Variants in RYR2 observed in about 807,000 individuals in gnomAD.
The protein encoded by RYR2 is ryanodine receptor 2.
In RYR2, 227 loss-of-function variants were observed where a neutral mutation model predicts 601.1. That is an observed-to-expected ratio of 0.38 (90% confidence interval 0.34 to 0.42). The LOEUF (loss-of-function observed/expected upper bound fraction) is 0.42, where lower values mean the gene tolerates loss of function less well. RYR2 is among the 10% of genes least tolerant of loss of function. The pLI is 1.00. For synonymous variants in RYR2, 2,223 were observed against 2,175.1 expected (o/e 1.02, Z -0.61); for missense variants, 4,646 against 6,156.5 (o/e 0.75, Z 8.21).
At position 237,816,457 on chromosome 1, in the gene RYR2, G is replaced by A. The variant is rs149670397; in HGVS notation, c.14434-2579G>A. ...TCCCAGCAGTTTGGGAGGCCGAGGC[G>A]GGCGGATCACCTGAGGTCAGGAGTT... On this transcript the variant is annotated intron_variant, in intron 100 of 104. Coordinates refer to ENST00000366574, the MANE Select transcript of RYR2 (RefSeq NM_001035.3). Among the ~76,000 whole-genome samples the A allele has an allele frequency of 3.0e-3, 461 of 152,186 alleles. 5 individuals carry two copies. Among genetic ancestry groups the A allele is most frequent in the African/African-American group, 0.01 (431 of 41,540 alleles).
At chr1:237,271,256 G>A (rs926912161) in intron 2 of RYR2, among the ~76,000 whole-genome samples, 1 of 152,090 alleles carries the variant, frequency 6.6e-6, no homozygotes, top group Non-Finnish European at 1.5e-5. Context: ...AATATCTTAA[G>A]CTACAGAATT....
chr1:237,547,339 A>G (rs1321165597), intron 25 of RYR2, among the ~76,000 whole-genome samples: 1 of 152,066 alleles, frequency 6.6e-6, no homozygotes, highest in Non-Finnish European at 1.5e-5. Flanking sequence ...GCATTTTCTC[A>G]TGTTTTAATA....
rs939015727 is a variant in RYR2 at position 237,135,518 on chromosome 1, C to T, written c.48+92949C>T. On this transcript the variant is annotated intron_variant, in intron 1 of 104. Transcript: ENST00000366574. The stretch of plus-strand genomic sequence containing the variant: ...CTGAGTAGCTGGGACTGCAGGCACC[C>T]GCCACCACACCTAATTTTTTTTTTT... 8.1e-5 allele frequency among the ~76,000 whole-genome samples: 12 copies of T among 147,650 alleles called. No homozygotes were observed. The South Asian group carries it at 1.8e-3, about 22-fold the overall frequency.
At chr1:237,593,417 T>C (rs1675454469) in intron 32 of RYR2, 59 bp from the exon 33 acceptor site, 4 of 1,518,614 alleles carry the variant, frequency 2.6e-6, no homozygotes, top group South Asian at 1.3e-5. Context: ...GGATTGCAAA[T>C]CCAAGTTTTG....
chr1:237,798,932 G>A (rs1364016280), intron 97 of RYR2, among the ~76,000 whole-genome samples: 3 of 152,104 alleles, frequency 2.0e-5, no homozygotes, highest in African/African-American at 7.2e-5. Context: ...GATTTTGGAA[G>A]AAACATAATA....
intron 79 of RYR2, among the ~76,000 whole-genome samples, chr1:237,736,845 G>T (rs985783434): frequency 6.6e-6 from 1 of 152,208 alleles, no homozygotes. Context: ...GCAATTCTCA[G>T]AACCAAATGC....
At chr1:237,428,900 T>C (rs1706491116) in intron 12 of RYR2, among the ~76,000 whole-genome samples, 1 of 152,052 alleles carries the variant, frequency 6.6e-6, no homozygotes, top group African/African-American at 2.4e-5. Flanking sequence ...TATTAGGAGA[T>C]ATCAAGTCAC....
chr1:237,352,008 A>C (rs1366746593), intron 3 of RYR2, among the ~76,000 whole-genome samples: 3 of 151,794 alleles, frequency 2.0e-5, no homozygotes, highest in Non-Finnish European at 4.4e-5. Context: ...ATTCAAAACC[A>C]ATTATTGTCA....
In RYR2 at chr1:237,792,370, T is replaced by TGCGC. The variant is rs1553327318; in HGVS notation, c.13782+48_13782+49insCGCG. 1.6e-5 allele frequency: 15 copies of TGCGC among 945,910 alleles called. No individual in the cohort carries two copies. In the Admixed American group the frequency reaches 3.0e-4, roughly 19 times the overall value. 58.6% of individuals were successfully genotyped at this position (945,910 alleles called of 1,614,324 possible). A position where few individuals can be genotyped will look rare whatever the true frequency, so the allele number is the denominator to read the frequency against. On this transcript the variant is annotated intron_variant, in intron 94 of 104. Transcript: ENST00000366574. The stretch of plus-strand genomic sequence containing the variant: ...GTACCTGTGTGTGTGTGTGTGTGTG[T>TGCGC]GTGTGTGTGTGCGTGTGTGTGTGTG...
chr1:237,236,247 T>A (rs1018458680), intron 1 of RYR2, among the ~76,000 whole-genome samples: 5 of 152,240 alleles, frequency 3.3e-5, no homozygotes, highest in African/African-American at 4.8e-5. Flanking sequence ...ACCTCTCCTT[T>A]GCTCGTAGCA....
intron 2 of RYR2, among the ~76,000 whole-genome samples, chr1:237,315,537 A>G (rs1695026938): frequency 6.6e-6 from 1 of 152,200 alleles, no homozygotes; most frequent in Non-Finnish European, 1.5e-5. Context: ...TTGTCCTTTC[A>G]CAAAAATTAG....
intron 11 of RYR2, among the ~76,000 whole-genome samples, chr1:237,419,438 T>C (rs978962330): frequency 1.2e-4 from 18 of 152,310 alleles, no homozygotes; most frequent in African/African-American, 4.1e-4. Context: ...ATCCTGTCTC[T>C]CTACTGTTGC....
In RYR2 at chr1:237,394,524, C is replaced by A. The variant is rs140849483; in HGVS notation, c.773+6341C>A. On this transcript the variant is annotated intron_variant, in intron 10 of 104. Transcript: ENST00000366574. ...TGACAGCTGCTTTAGCACCTGCCTG[C>A]GGCTCAGCTGCTCAGCCACATGCTC... 2.2e-4 allele frequency among the ~76,000 whole-genome samples: 33 copies of A among 152,214 alleles called. 1 individual carries two copies. The highest frequency in any genetic ancestry group is 5.9e-4 in the Admixed American group (9 of 15,282).
intron 20 of RYR2, among the ~76,000 whole-genome samples, chr1:237,500,289 G>T (rs923425127): frequency 1.3e-5 from 2 of 152,140 alleles, no homozygotes; most frequent in African/African-American, 4.8e-5. Context: ...CAAGGTGATG[G>T]TACTTGGTGT....
At chr1:237,338,387 A>C (rs1697442497) in intron 3 of RYR2, among the ~76,000 whole-genome samples, 1 of 152,170 alleles carries the variant, frequency 6.6e-6, no homozygotes, top group African/African-American at 2.4e-5. Flanking sequence ...GTAGTTAATC[A>C]CATGATTTAG....
Position 237,344,903 on chromosome 1 carries a change from C to T in RYR2, c.274-11062C>T, listed in dbSNP as rs527806050. Among the ~76,000 whole-genome samples the T allele has an allele frequency of 3.7e-4, 57 of 152,148 alleles. No homozygotes were observed. In the South Asian group the frequency reaches 0.01, roughly 27 times the overall value. The stretch of plus-strand genomic sequence containing the variant: ...TTCACTGCAACCAACCTCTGCCTCC[C>T]GGATTCAAGCAGTTCTCCTGCCTCA... On this transcript the variant is annotated intron_variant, in intron 3 of 104. Coordinates refer to ENST00000366574, the MANE Select transcript of RYR2 (RefSeq NM_001035.3).
chr1:237,441,541 A>C (rs1572345628), intron 13 of RYR2, 58 bp downstream of exon 13: 2 of 1,421,616 alleles, frequency 1.4e-6, no homozygotes, highest in South Asian at 1.8e-5. Flanking sequence ...ATACACAAGC[A>C]CAAGTCAAAA....
chr1:237,678,912 A>G (rs773402110), intron 61 of RYR2, among the ~76,000 whole-genome samples: 2 of 152,182 alleles, frequency 1.3e-5, no homozygotes, highest in Non-Finnish European at 2.9e-5. Context: ...ATTACAGATA[A>G]TTTGCTATAA....
At chr1:237,811,812 G>A (rs7524124) in intron 100 of RYR2, among the ~76,000 whole-genome samples, 2 of 152,106 alleles carry the variant, frequency 1.3e-5, no homozygotes, top group South Asian at 2.1e-4. Context: ...CACGATTGCC[G>A]TTCTGAGGTG....
Sources: allele counts gnomAD v4.1 joint callset (sites outside exome capture counted in the v4.1 genomes callset), GRCh38; gene constraint gnomAD v4.1.1; transcripts MANE v1.5; gene names NCBI Gene and HGNC (gene_info 2026-07-23, HGNC 2026-07-21).